Variants in CEP120 observed in about 807,000 individuals in gnomAD.
CEP120 encodes centrosomal protein of 120 kDa.
In CEP120, 113 loss-of-function variants were observed where a neutral mutation model predicts 126.5. That is an observed-to-expected ratio of 0.89 (90% CI 0.77 to 1.04). The LOEUF (loss-of-function observed/expected upper bound fraction) is 1.04, where lower values mean the gene tolerates loss of function less well. Ranked by LOEUF, CEP120 falls within the 50% of genes least tolerant of loss-of-function variation. The pLI is 0.00. For synonymous variants in CEP120, 400 were observed against 394.3 expected (o/e 1.01, Z -0.17); for missense variants, 1,230 against 1,155.7 (o/e 1.06, Z -0.93).
At chr5:123,402,563 C>T (rs1461622282) in intron 4 of CEP120, among the ~76,000 whole-genome samples, 3 of 152,108 alleles carry the variant, frequency 2.0e-5, no homozygotes, top group African/African-American at 7.2e-5. Context: ...AGGCTTGTGC[C>T]ACCAAGCCAG....
intron 18 of CEP120, among the ~76,000 whole-genome samples, chr5:123,350,670 A>G (rs1429472717): frequency 6.6e-6 from 1 of 152,204 alleles, no homozygotes; most frequent in Admixed American, 6.5e-5. Flanking sequence ...ACAAATCACT[A>G]ATTCCACTCC....
At chr5:123,415,699 C>T (rs1186182519) in intron 3 of CEP120, among the ~76,000 whole-genome samples, 3 of 152,030 alleles carry the variant, frequency 2.0e-5, no homozygotes, top group African/African-American at 7.2e-5. Context: ...CATAGCAAAA[C>T]CCCATCACTA....
chr5:123,421,278 A>C (rs1580751658), intron 1 of CEP120, among the ~76,000 whole-genome samples: 1 of 152,094 alleles, frequency 6.6e-6, no homozygotes, highest in African/African-American at 2.4e-5. Context: ...TCAATGTTCC[A>C]CCCACCATGC....
At position 123,421,965 on chromosome 5, in the gene CEP120, G is replaced by GA. The variant is rs544208434; in HGVS notation, c.49+984dup. Among the ~76,000 whole-genome samples the GA allele has an allele frequency of 2.5e-3, 377 of 152,198 alleles. 4 individuals carry two copies. The highest frequency in any genetic ancestry group is 8.6e-3 in the African/African-American group (357 of 41,528). On this transcript the variant is annotated intron_variant, in intron 1 of 19. Transcript: ENST00000306467. ...CTTTATAAAACACTCTCCCATGGGGGAAAAAATGCAGCCAGGCTTCTGCTC... is the reference window on the plus strand; with the variant it reads ...CTTTATAAAACACTCTCCCATGGGGGAAAAAAATGCAGCCAGGCTTCTGCTC...
At chr5:123,367,111 T>G (rs559743278) in intron 17 of CEP120, among the ~76,000 whole-genome samples, 2 of 151,964 alleles carry the variant, frequency 1.3e-5, no homozygotes, top group Admixed American at 1.3e-4. Context: ...CTCTGAGTAA[T>G]CTCCCAATTA....
At chr5:123,401,387 G>T (rs1428125401) in intron 4 of CEP120, 29 of 1,488,868 alleles carry the variant, frequency 1.9e-5, no homozygotes, top group Non-Finnish European at 2.6e-5. Context: ...CTCATTCTCA[G>T]CCTGGAGCCG....
At chr5:123,360,006 T>G (rs1405693236) in intron 18 of CEP120, among the ~76,000 whole-genome samples, 1 of 151,912 alleles carries the variant, frequency 6.6e-6, no homozygotes, top group Non-Finnish European at 1.5e-5. Flanking sequence ...ACACAAATGT[T>G]TTGTATGGCC....
Sources: gnomAD v4.1 joint callset for allele counts (sites outside exome capture counted in the v4.1 genomes callset) on GRCh38, gnomAD v4.1.1 for gene constraint, MANE v1.5 for transcripts, NCBI Gene and HGNC (gene_info 2026-07-23, HGNC 2026-07-21) for gene names.